The following DENND1B variants were observed in gnomAD, a reference collection of about 807,000 sequenced individuals.
DENND1B encodes DENN domain-containing protein 1B.
In DENND1B, 59 loss-of-function variants were observed where a neutral mutation model predicts 90.1. That is an observed-to-expected ratio of 0.65 (90% CI 0.53 to 0.81). DENND1B has a LOEUF of 0.81. DENND1B is among the 40% of genes least tolerant of loss of function. DENND1B has a pLI of 0.00. For synonymous variants in DENND1B, 337 were observed against 324.6 expected (o/e 1.04, Z -0.41); for missense variants, 862 against 912.6 (o/e 0.94, Z 0.71).
chr1:197,721,105 C>T (rs990407973), intron 2 of DENND1B, among the ~76,000 whole-genome samples: 17 of 138,230 alleles, frequency 1.2e-4, no homozygotes, highest in African/African-American at 2.0e-4. Context: ...AGTCTCACTC[C>T]GTTGCCCAGG....
intron 15 of DENND1B, among the ~76,000 whole-genome samples, chr1:197,566,341 G>C (rs1201025891): frequency 6.6e-6 from 1 of 151,808 alleles, no homozygotes; most frequent in African/African-American, 2.4e-5. Context: ...GGGGTTGTTT[G>C]TTTTTTTCTT....
At chr1:197,646,219 A>C (rs1680722901) in intron 8 of DENND1B, among the ~76,000 whole-genome samples, 1 of 151,960 alleles carries the variant, frequency 6.6e-6, no homozygotes. Context: ...CTGGGTTTCT[A>C]TGGTAAGTCA....
chr1:197,714,926 G>A, intron 3 of DENND1B, 105 bp downstream of exon 3: 1 of 800,080 alleles, frequency 1.2e-6, no homozygotes, highest in Non-Finnish European at 2.1e-6. Context: ...AATAATTTTA[G>A]CAATCCATGT....
At chr1:197,682,363 C>A (rs1393171937) in intron 3 of DENND1B, among the ~76,000 whole-genome samples, 1 of 152,040 alleles carries the variant, frequency 6.6e-6, no homozygotes, top group Non-Finnish European at 1.5e-5. Context: ...ATTATAATTA[C>A]ACAATTTTTA....
At chr1:197,618,346 T>C (rs1677850983) in intron 10 of DENND1B, among the ~76,000 whole-genome samples, 1 of 151,252 alleles carries the variant, frequency 6.6e-6, no homozygotes, top group African/African-American at 2.4e-5. Context: ...AATGTCACTA[T>C]TGACCAGCAA....
intron 20 of DENND1B, among the ~76,000 whole-genome samples, chr1:197,535,097 T>C (rs1023118803): frequency 3.3e-5 from 5 of 152,150 alleles, no homozygotes; most frequent in Non-Finnish European, 1.5e-5. Flanking sequence ...AATGTGCAAA[T>C]ATAGTACCCT....
chr1:197,543,629 G>T (rs192000983), intron 18 of DENND1B, among the ~76,000 whole-genome samples: 149 of 152,152 alleles, frequency 9.8e-4, no homozygotes, highest in African/African-American at 3.4e-3. Context: ...CACCAGAGAG[G>T]TTTCCTAGGA....
intron 2 of DENND1B, among the ~76,000 whole-genome samples, chr1:197,761,074 C>T (rs2102458966): frequency 6.6e-6 from 1 of 152,250 alleles, no homozygotes; most frequent in South Asian, 2.1e-4. Flanking sequence ...TGTGCTGCTC[C>T]TTATTGTCAG....
chr1:197,679,828 T>C (rs891363478), intron 3 of DENND1B, among the ~76,000 whole-genome samples: 55 of 106,126 alleles, frequency 5.2e-4, no homozygotes, highest in Non-Finnish European at 7.5e-4. Flanking sequence ...TTTTTTTTTT[T>C]CAAAAATTCT....
intron 10 of DENND1B, among the ~76,000 whole-genome samples, chr1:197,623,467 G>C (rs1678358090): frequency 6.6e-6 from 1 of 151,434 alleles, no homozygotes; most frequent in African/African-American, 2.4e-5. Context: ...CTACTAAATA[G>C]TCTCACTTAA....
chr1:197,746,661 A>T, intron 2 of DENND1B: 1 of 714,830 alleles, frequency 1.4e-6, no homozygotes, highest in Non-Finnish European at 2.5e-6. Context: ...AGTGCTATCA[A>T]TTTTCTGACA....
rs568955511 is a variant in DENND1B at position 197,644,570 on chromosome 1, C to G, written c.561+1120G>C. Among the ~76,000 whole-genome samples, 10 of 152,268 alleles carry G rather than the reference C, an allele frequency of 6.6e-5. No homozygotes were observed. The South Asian group carries it at 2.1e-3, about 32-fold the overall frequency. On this transcript the variant is annotated intron_variant, in intron 9 of 22. Coordinates refer to ENST00000620048, the MANE Select transcript of DENND1B (RefSeq NM_001195215.2). ...CAGTCAGCCTTAAAGAAAACATTAA[C>G]AAGGAGTACCTGGCCTACAGTGTAC...
At chr1:197,571,851 T>C (rs1673184604) in intron 15 of DENND1B, among the ~76,000 whole-genome samples, 3 of 152,098 alleles carry the variant, frequency 2.0e-5, no homozygotes, top group Non-Finnish European at 2.9e-5. Flanking sequence ...GGGAAGACTT[T>C]AGAGAGGTGA....
chr1:197,775,075 A>G, intron 1 of DENND1B, 64 bp downstream of exon 1: 1 of 1,128,730 alleles, frequency 8.9e-7, no homozygotes, highest in Non-Finnish European at 1.1e-6. Flanking sequence ...GGAGGAGCCG[A>G]GCTGGCCTGG....
At chr1:197,677,438 G>T (rs1356404950) in intron 3 of DENND1B, among the ~76,000 whole-genome samples, 1 of 152,066 alleles carries the variant, frequency 6.6e-6, no homozygotes, top group Non-Finnish European at 1.5e-5. Flanking sequence ...CACCTAAACT[G>T]GCAGCACCAT....
At chr1:197,705,341 A>C (rs958620458) in intron 3 of DENND1B, among the ~76,000 whole-genome samples, 3 of 152,130 alleles carry the variant, frequency 2.0e-5, no homozygotes, top group African/African-American at 7.2e-5. Context: ...ATGGTATCTA[A>C]AGTTCCTTTC....
chr1:197,775,167 G>T lies in DENND1B; in HGVS notation c.-12C>A, dbSNP rs973839503. Reference sequence around the variant, plus strand: ...GTCCTGCAGTCCATGGTTACATGTCGGTGTGGGGCTGTCCGTCCGGCCCCC... The same window carrying T: ...GTCCTGCAGTCCATGGTTACATGTCTGTGTGGGGCTGTCCGTCCGGCCCCC... On this transcript the variant is annotated 5_prime_UTR_variant, in exon 1 of 23. Transcript: ENST00000620048. 2.3e-6 allele frequency: 3 copies of T among 1,291,474 alleles called. No homozygotes were observed. Among genetic ancestry groups the T allele is most frequent in the East Asian group, 3.3e-5 (1 of 30,646 alleles). The allele number at this position is 1,291,474 out of a possible 1,614,324, so 80.0% of individuals were successfully genotyped here.
intron 13 of DENND1B, among the ~76,000 whole-genome samples, chr1:197,604,194 T>G (rs1026998254): frequency 1.3e-5 from 2 of 148,744 alleles, no homozygotes; most frequent in African/African-American, 4.9e-5. Flanking sequence ...ATAAAATATG[T>G]TTTTTTTTCT....
At chr1:197,683,927 A>G (rs1199591929) in intron 3 of DENND1B, among the ~76,000 whole-genome samples, 1 of 152,222 alleles carries the variant, frequency 6.6e-6, no homozygotes, top group Admixed American at 6.5e-5. Flanking sequence ...TGGAAAGATC[A>G]GTTGGAACAA....
Sources: gnomAD v4.1 joint callset for allele counts (sites outside exome capture counted in the v4.1 genomes callset) on GRCh38, gnomAD v4.1.1 for gene constraint, MANE v1.5 for transcripts, NCBI Gene and HGNC (gene_info 2026-07-23, HGNC 2026-07-21) for gene names.